ANKS1B: variants seen among roughly 807,000 people sequenced by gnomAD.
The protein encoded by ANKS1B is ankyrin repeat and sterile alpha motif domain containing 1B.
Under a neutral mutation model 148.3 loss-of-function variants are expected in ANKS1B, and 36 were observed. The ratio of observed to expected loss-of-function variants is 0.24; its 90% CI spans 0.19 to 0.32. The LOEUF is 0.32. Among genes scored for constraint, ANKS1B ranks in the 10% least tolerant of loss-of-function variants. ANKS1B has a pLI of 1.00. For synonymous variants in ANKS1B, 542 were observed against 560.8 expected (o/e 0.97, Z 0.47); for missense variants, 1,157 against 1,542.6 (o/e 0.75, Z 4.19).
intron 9 of ANKS1B, among the ~76,000 whole-genome samples, chr12:99,546,483 G>A (rs765055617): frequency 6.6e-5 from 10 of 152,158 alleles, no homozygotes; most frequent in South Asian, 2.1e-4. Flanking sequence ...CATGCCACAA[G>A]TTTCCAGGGA....
chr12:99,869,681 C>CA (rs34916090), intron 1 of ANKS1B, among the ~76,000 whole-genome samples: 23,056 of 123,334 alleles, frequency 0.19, 2,004 homozygotes, highest in Middle Eastern at 0.24. Flanking sequence ...AACTTTGTCT[C>CA]AAAAAAAAAA....
At chr12:99,933,032 A>G (rs1249495932) in intron 1 of ANKS1B, among the ~76,000 whole-genome samples, 1 of 152,102 alleles carries the variant, frequency 6.6e-6, no homozygotes, top group African/African-American at 2.4e-5. Context: ...CTTTTTCCCC[A>G]ATGTACGTTC....
intron 8 of ANKS1B, among the ~76,000 whole-genome samples, chr12:99,655,646 T>C (rs1472517052): frequency 1.3e-5 from 2 of 152,182 alleles, no homozygotes; most frequent in African/African-American, 2.4e-5. Context: ...AATAAAACTT[T>C]ATAAACTTTC....
intron 15 of ANKS1B, among the ~76,000 whole-genome samples, chr12:99,100,285 G>A (rs987921158): frequency 2.6e-5 from 4 of 152,132 alleles, no homozygotes; most frequent in African/African-American, 9.7e-5. Context: ...AGGGCAACAG[G>A]AAACACTGAA....
At chr12:98,989,894 TAAGA>T (rs1410931343) in intron 17 of ANKS1B, among the ~76,000 whole-genome samples, 1 of 142,254 alleles carries the variant, frequency 7.0e-6, no homozygotes, top group East Asian at 2.0e-4. Flanking sequence ...CCCCATCTCT[TAAGA>T]AAGGAAGAAG....
chr12:99,819,973 G>A (rs1033133316), intron 2 of ANKS1B, among the ~76,000 whole-genome samples: 1 of 151,524 alleles, frequency 6.6e-6, no homozygotes, highest in East Asian at 1.9e-4. Context: ...TTTCAGAGGA[G>A]AATTAAGGGA....
intron 12 of ANKS1B, among the ~76,000 whole-genome samples, chr12:99,288,986 C>A (rs923148044): frequency 1.3e-5 from 2 of 151,726 alleles, no homozygotes; most frequent in African/African-American, 4.8e-5. Flanking sequence ...AAAGCAAGAC[C>A]CATTGATCCG....
chr12:99,271,288 C>A (rs1039945632), intron 12 of ANKS1B, among the ~76,000 whole-genome samples: 1 of 152,168 alleles, frequency 6.6e-6, no homozygotes, highest in Non-Finnish European at 1.5e-5. Flanking sequence ...TGTGACTCAG[C>A]TCATGAATCA....
chr12:99,311,838 C>T (rs936843044), intron 12 of ANKS1B, among the ~76,000 whole-genome samples: 7 of 152,022 alleles, frequency 4.6e-5, no homozygotes, highest in Admixed American at 2.0e-4. Flanking sequence ...TATATTTCAT[C>T]TTTTTATAGT....
chr12:99,661,340 C>T (rs1006283212), intron 8 of ANKS1B, among the ~76,000 whole-genome samples: 2 of 152,160 alleles, frequency 1.3e-5, no homozygotes, highest in Non-Finnish European at 2.9e-5. Flanking sequence ...GATGAATGCA[C>T]ACTTACATGT....
At chr12:99,640,360 C>A (rs1192827666) in intron 9 of ANKS1B, among the ~76,000 whole-genome samples, 2 of 152,012 alleles carry the variant, frequency 1.3e-5, no homozygotes, top group Non-Finnish European at 2.9e-5. Flanking sequence ...TGTCCCCCCA[C>A]AAAACTCATT....
chr12:99,563,995 C>A (rs1444391094), intron 9 of ANKS1B, among the ~76,000 whole-genome samples: 1 of 152,140 alleles, frequency 6.6e-6, no homozygotes. Context: ...ATGTTTTCTA[C>A]ATTTTATAGT....
chr12:98,932,114 C>G (rs2099814205), intron 17 of ANKS1B, among the ~76,000 whole-genome samples: 1 of 152,096 alleles, frequency 6.6e-6, no homozygotes, highest in Non-Finnish European at 1.5e-5. Context: ...TTCTCCAGAC[C>G]AGGGAAGAGA....
chr12:99,648,326 T>A (rs2098392231), intron 9 of ANKS1B: 1 of 1,613,984 alleles, frequency 6.2e-7, no homozygotes, highest in African/African-American at 1.3e-5. Flanking sequence ...AGCGACTTTA[T>A]CCAGATCAGC....
At chr12:99,021,766 T>C (rs1033745279) in intron 17 of ANKS1B, among the ~76,000 whole-genome samples, 1 of 152,216 alleles carries the variant, frequency 6.6e-6, no homozygotes, top group Non-Finnish European at 1.5e-5. Context: ...AATAAATATG[T>C]GTCAATCAAA....
intron 12 of ANKS1B, among the ~76,000 whole-genome samples, chr12:99,323,551 T>C (rs578120782): frequency 7.2e-5 from 11 of 152,332 alleles, no homozygotes; most frequent in African/African-American, 2.4e-4. Flanking sequence ...TCTTTCTTAC[T>C]TTCATGTCTT....
At chr12:99,073,186 C>G (rs2046801028) in intron 16 of ANKS1B, among the ~76,000 whole-genome samples, 1 of 152,188 alleles carries the variant, frequency 6.6e-6, no homozygotes, top group Non-Finnish European at 1.5e-5. Flanking sequence ...TACATCCATT[C>G]TAAAGGTGAG....
chr12:99,244,430 AC>A lies in ANKS1B; in HGVS notation c.2347-17del, dbSNP rs1253349830. The stretch of plus-strand genomic sequence containing the variant: ...TTTTGTCAATCTGTAAGAAACAAAA[AC>A]CATTTAAATGGATTGTTACATTCAC... On this transcript the variant is annotated splice_polypyrimidine_tract_variant and intron_variant, in intron 13 of 26. Coordinates refer to ENST00000683438, the MANE Select transcript of ANKS1B (RefSeq NM_001352186.2). The A allele has an allele frequency of 6.5e-7, 1 of 1,544,234 alleles. No homozygotes were observed. Among genetic ancestry groups the A allele is most frequent in the East Asian group, 2.3e-5 (1 of 44,264 alleles).
intron 15 of ANKS1B, among the ~76,000 whole-genome samples, chr12:99,121,447 T>C (rs2062856880): frequency 6.6e-6 from 1 of 151,990 alleles, no homozygotes. Context: ...ATTATGTTAC[T>C]TAAGGTACTT....
Sources: gnomAD v4.1 joint callset for allele counts (sites outside exome capture counted in the v4.1 genomes callset) on GRCh38, gnomAD v4.1.1 for gene constraint, MANE v1.5 for transcripts, NCBI Gene and HGNC (gene_info 2026-07-23, HGNC 2026-07-21) for gene names.